FNBP1: variants seen among roughly 807,000 people sequenced by gnomAD.
The protein encoded by FNBP1 is formin binding protein 1, also known as formin-binding protein 1.
Under a neutral mutation model 90.6 loss-of-function variants are expected in FNBP1, and 26 were observed. That is an observed-to-expected ratio of 0.29 (90% CI 0.21 to 0.40). The LOEUF is 0.40. Among genes scored for constraint, FNBP1 ranks in the 10% least tolerant of loss-of-function variants. FNBP1 has a pLI of 1.00. For synonymous variants in FNBP1, 260 were observed against 265.2 expected (o/e 0.98, Z 0.19); for missense variants, 635 against 768.0 (o/e 0.83, Z 2.05).
chr9:130,044,499 T>G (rs1009173806), upstream of FNBP1, among the ~76,000 whole-genome samples: 2 of 151,222 alleles, frequency 1.3e-5, no homozygotes, highest in Non-Finnish European at 2.9e-5. Flanking sequence ...CATGGTGGCA[T>G]GCACCTGTGG....
chr9:130,043,064 C>T lies in FNBP1; in HGVS notation c.-89G>A, dbSNP rs1237459958. 8.5e-7 allele frequency: 1 copy of T among 1,180,434 alleles called. No homozygotes were observed. The allele number at this position is 1,180,434 out of a possible 1,614,324, so 73.1% of individuals were successfully genotyped here. A position where few individuals can be genotyped will look rare whatever the true frequency, so the allele number is the denominator to read the frequency against. ...CGATCCCTTTGCCCCCCGAGATCCC[C>T]GCGACGGCGGAAAGCCCGGAGTCCG... On this transcript the variant is annotated 5_prime_UTR_variant, in exon 1 of 17. Coordinates refer to ENST00000446176, the MANE Select transcript of FNBP1 (RefSeq NM_015033.3).
At chr9:129,932,077 G>A (rs2042838787) in intron 6 of FNBP1, among the ~76,000 whole-genome samples, 1 of 151,910 alleles carries the variant, frequency 6.6e-6, no homozygotes, top group South Asian at 2.1e-4. Context: ...TGGGCGTGGT[G>A]GTGGGCGCCT....
chr9:129,970,068 G>GC (rs1554824457), intron 4 of FNBP1, among the ~76,000 whole-genome samples: 8 of 140,320 alleles, frequency 5.7e-5, no homozygotes, highest in African/African-American at 1.6e-4. Context: ...TTTTGGGTTT[G>GC]TTTTTTTTTT....
rs1048829294 is a variant in FNBP1 at position 129,966,324 on chromosome 9, C to T, written c.346-7771G>A. The stretch of plus-strand genomic sequence containing the variant: ...GGGGCTTGCCCTGTTTGAGGAACAG[C>T]TGGATGCCAGTGCCACTAGACCAAG... On this transcript the variant is annotated intron_variant, in intron 4 of 16. Transcript: ENST00000446176. This position sits in a 1 kb window ranked among gnomAD's most constrained non-coding sequence, Gnocchi z 4.3. Among the ~76,000 whole-genome samples, 5 of 152,180 alleles carry T rather than the reference C, an allele frequency of 3.3e-5. No individual in the cohort carries two copies. Among genetic ancestry groups the T allele is most frequent in the Non-Finnish European group, 5.9e-5 (4 of 68,022 alleles).
In FNBP1 at chr9:129,900,592, G is replaced by T. The variant is rs773087869; in HGVS notation, c.1429-45C>A. 2.4e-4 allele frequency: 356 copies of T among 1,456,942 alleles called. 1 individual carries two copies. Among genetic ancestry groups the T allele is most frequent in the Non-Finnish European group, 2.3e-4 (258 of 1,106,736 alleles). The allele number at this position is 1,456,942 out of a possible 1,614,324, so 90.3% of individuals were successfully genotyped here. A position where few individuals can be genotyped will look rare whatever the true frequency, so the allele number is the denominator to read the frequency against. ...GAGACTCCAACCTAAGGCCATCTGA[G>T]GGTCAGCCCAGAGTGTCCTAAGGTC... On this transcript the variant is annotated intron_variant, in intron 13 of 16. Transcript: ENST00000446176. This position sits in a 1 kb window ranked among gnomAD's most constrained non-coding sequence, Gnocchi z 4.1.
At chr9:129,974,761 A>G (rs902402871) in intron 4 of FNBP1, among the ~76,000 whole-genome samples, 2 of 151,862 alleles carry the variant, frequency 1.3e-5, no homozygotes, top group Non-Finnish European at 2.9e-5. Flanking sequence ...TTGGGAAGCT[A>G]AGATAGGAGG....
At chr9:129,951,925 C>G (rs1041903136) in intron 6 of FNBP1, among the ~76,000 whole-genome samples, 2 of 152,014 alleles carry the variant, frequency 1.3e-5, no homozygotes, top group Non-Finnish European at 2.9e-5. Context: ...GGTGTGGTGG[C>G]TCACACCTGT....
chr9:130,012,312 G>A (rs2131699252), intron 1 of FNBP1, among the ~76,000 whole-genome samples: 1 of 152,280 alleles, frequency 6.6e-6, no homozygotes, highest in Non-Finnish European at 1.5e-5. Flanking sequence ...TTACTAAAAG[G>A]ATTAGTAAAT....
At chr9:129,949,312 T>C (rs1164674814) in intron 6 of FNBP1, among the ~76,000 whole-genome samples, 1 of 152,200 alleles carries the variant, frequency 6.6e-6, no homozygotes, top group Non-Finnish European at 1.5e-5. Flanking sequence ...TGATTTCCTC[T>C]CTTCATTTTT....
intron 4 of FNBP1, among the ~76,000 whole-genome samples, chr9:129,963,834 C>T (rs769490574): frequency 6.6e-6 from 1 of 152,044 alleles, no homozygotes; most frequent in Non-Finnish European, 1.5e-5. Context: ...AGGCTATCCT[C>T]GAACCCCTGA....
At chr9:129,923,149 T>C (rs554024933) in intron 10 of FNBP1, among the ~76,000 whole-genome samples, 1 of 152,260 alleles carries the variant, frequency 6.6e-6, no homozygotes, top group East Asian at 1.9e-4. Flanking sequence ...AGATGTGAAC[T>C]ATCACGCCCA....
intron 13 of FNBP1, among the ~76,000 whole-genome samples, chr9:129,901,757 C>T (rs2036984471): frequency 6.6e-6 from 1 of 151,928 alleles, no homozygotes; most frequent in African/African-American, 2.4e-5. Context: ...ACCAAAAATA[C>T]AAAAAGTAGC....
At chr9:129,980,117 T>G (rs2050952555) in intron 2 of FNBP1, among the ~76,000 whole-genome samples, 1 of 150,916 alleles carries the variant, frequency 6.6e-6, no homozygotes, top group African/African-American at 2.4e-5. Context: ...TCCCAGTACT[T>G]TGGAGGCCGT....
chr9:130,012,428 A>G lies in FNBP1; in HGVS notation c.25-17470T>C, dbSNP rs1293300976. Among the ~76,000 whole-genome samples the G allele has an allele frequency of 2.0e-5, 3 of 152,178 alleles. No individual in the cohort carries two copies. In the East Asian group the frequency reaches 5.8e-4, roughly 29 times the overall value. Reference sequence around the variant, plus strand: ...CATTGTCATCAACCAGTGGGGAAAGAACAAGCTGTTCAATAAGAGGTACGG... The same window carrying G: ...CATTGTCATCAACCAGTGGGGAAAGGACAAGCTGTTCAATAAGAGGTACGG... On this transcript the variant is annotated intron_variant, in intron 1 of 16. Transcript: ENST00000446176.
chr9:129,926,891 GAAAAAAAAAA>G (rs796179806), intron 8 of FNBP1, among the ~76,000 whole-genome samples: 1 of 88,614 alleles, frequency 1.1e-5, no homozygotes, highest in East Asian at 3.0e-4. Context: ...ATCTCAAAAA[GAAAAAAAAAA>G]AAAGAAAAAG....
chr9:130,021,837 A>C (rs1224751543), intron 1 of FNBP1, among the ~76,000 whole-genome samples: 1 of 152,194 alleles, frequency 6.6e-6, no homozygotes, highest in East Asian at 1.9e-4. Context: ...TTGTCGTCTA[A>C]GAGATAGCTA....
At chr9:129,982,866 G>A (rs998487884) in intron 2 of FNBP1, among the ~76,000 whole-genome samples, 4 of 152,078 alleles carry the variant, frequency 2.6e-5, no homozygotes, top group African/African-American at 7.2e-5. Context: ...GTCTTGCCAT[G>A]TTGCTGAGGC....
chr9:130,043,304 C>A (rs1203534716), upstream of FNBP1: 1 of 205,802 alleles, frequency 4.9e-6, no homozygotes, highest in Non-Finnish European at 9.6e-6. Context: ...CCGGCCCGGC[C>A]CCCTCCCCCG....
chr9:129,958,427 G>T, intron 5 of FNBP1, 64 bp downstream of exon 5: 1 of 1,264,930 alleles, frequency 7.9e-7, no homozygotes, highest in Non-Finnish European at 1.1e-6. Context: ...GGGAGCCTCC[G>T]TCTCAAAAAA....
Sources: allele counts gnomAD v4.1 joint callset (sites outside exome capture counted in the v4.1 genomes callset), GRCh38; gene constraint gnomAD v4.1.1; non-coding constraint Gnocchi (gnomAD v3.1); transcripts MANE v1.5; gene names NCBI Gene and HGNC (gene_info 2026-07-23, HGNC 2026-07-21).